The following ELF3 variants were observed in gnomAD, a reference collection of about 807,000 sequenced individuals.
ELF3 encodes E74 like ETS transcription factor 3, also known as ETS-related transcription factor Elf-3.
Under a neutral mutation model 43.9 loss-of-function variants are expected in ELF3, and 18 were observed. The observed-to-expected ratio is 0.41, with a 90% confidence interval of 0.28 to 0.61. ELF3 has a LOEUF of 0.61. Among genes scored for constraint, ELF3 ranks in the 20% least tolerant of loss-of-function variants. ELF3 has a pLI of 0.30. For synonymous variants in ELF3, 181 were observed against 190.2 expected (o/e 0.95, Z 0.40); for missense variants, 373 against 487.7 (o/e 0.76, Z 2.21).
chr1:202,012,413 A>G lies in ELF3; in HGVS notation c.455A>G (p.Glu152Gly). 1 of 1,614,068 alleles carries G rather than the reference A, an allele frequency of 6.2e-7. No homozygotes were observed. The highest frequency in any genetic ancestry group is 8.5e-7 in the Non-Finnish European group (1 of 1,179,980). ...GAGAAGGATGGCATGGCCTTCCAGG[A>G]GGCCCTAGACCCAGGGCCCTTTGGT... is the stretch of plus-strand genomic sequence containing the variant. ...LLEKDGMAFQ[E>G]ALDPGPFDQG... The change falls in exon 4 of 9, where the codon GAG becomes GGG. Residue 152 changes from glutamate (E) to glycine (G), a missense_variant. Physicochemically the swap from Glu to Gly is moderately conservative, Grantham distance 98. Around this residue, in one of 3 missense-constraint regions of ELF3, gnomAD observed 311 missense variants for 351.2 expected, o/e 0.89. Coordinates refer to ENST00000367284, the MANE Select transcript of ELF3 (RefSeq NM_004433.5). The surrounding 1 kb of genome is among the most constrained non-coding windows in gnomAD (Gnocchi z 4.2).
At position 202,015,506 on chromosome 1, in the gene ELF3, C is replaced by T; in HGVS notation, c.*183C>T. The T allele has an allele frequency of 1.7e-6, 1 of 601,944 alleles. No homozygotes were observed. The highest frequency in any genetic ancestry group is 2.0e-5 in the South Asian group (1 of 50,128). 37.3% of individuals were successfully genotyped at this position (601,944 alleles called of 1,614,324 possible). A position where few individuals can be genotyped will look rare whatever the true frequency, so the allele number is the denominator to read the frequency against. ...TGGGACTCGGAGACTATGGCCTCGCCTCCCCACCCTCCTCTTGGAATTACA... is the reference window on the plus strand; with the variant it reads ...TGGGACTCGGAGACTATGGCCTCGCTTCCCCACCCTCCTCTTGGAATTACA... On this transcript the variant is annotated 3_prime_UTR_variant, in exon 9 of 9. Coordinates refer to ENST00000367284, the MANE Select transcript of ELF3 (RefSeq NM_004433.5).
In ELF3 at chr1:202,012,231, C is replaced by A; in HGVS notation, c.385+53C>A. ...AGCAGCTCCACATGTTGAGCTGAGTCGAGTTCAGTGTGGCCGTAGGCAGGC... is the reference window on the plus strand; with the variant it reads ...AGCAGCTCCACATGTTGAGCTGAGTAGAGTTCAGTGTGGCCGTAGGCAGGC... On this transcript the variant is annotated intron_variant, in intron 3 of 8. Transcript: ENST00000367284. This position sits in a 1 kb window ranked among gnomAD's most constrained non-coding sequence, Gnocchi z 4.2. The A allele has an allele frequency of 6.2e-7, 1 of 1,606,630 alleles. No homozygotes were observed. The highest frequency in any genetic ancestry group is 8.5e-7 in the Non-Finnish European group (1 of 1,176,182).
In ELF3 at chr1:202,013,444, T is replaced by C. The variant is rs1167074285; in HGVS notation, c.805+146T>C. 1.2e-6 allele frequency: 1 copy of C among 825,936 alleles called. No individual in the cohort carries two copies. The highest frequency in any genetic ancestry group is 1.7e-5 in the African/African-American group (1 of 58,668). 51.2% of individuals were successfully genotyped at this position (825,936 alleles called of 1,614,324 possible). A position where few individuals can be genotyped will look rare whatever the true frequency, so the allele number is the denominator to read the frequency against. On this transcript the variant is annotated intron_variant, in intron 7 of 8. Transcript: ENST00000367284. This position sits in a 1 kb window ranked among gnomAD's most constrained non-coding sequence, Gnocchi z 5.7. ...GGCTGTGCACAAGCTGGGGGCTCTA[T>C]GGTATCGGTCACCACCTAATTGCAG...
At position 202,013,301 on chromosome 1, in the gene ELF3, G is replaced by A. The variant is rs772636668; in HGVS notation, c.805+3G>A. On this transcript the variant is annotated splice_donor_region_variant and intron_variant, in intron 7 of 8. Transcript: ENST00000367284. This position sits in a 1 kb window ranked among gnomAD's most constrained non-coding sequence, Gnocchi z 5.7. ...CGAGGGCAAGAAGAGCAAGCACGGTGAGCTCCGGGGGCACGTGGGTCCTCC... is the reference window on the plus strand; with the variant it reads ...CGAGGGCAAGAAGAGCAAGCACGGTAAGCTCCGGGGGCACGTGGGTCCTCC... 1 of 1,612,608 alleles carries A rather than the reference G, an allele frequency of 6.2e-7. No homozygotes were observed. Among genetic ancestry groups the A allele is most frequent in the South Asian group, 1.1e-5 (1 of 91,046 alleles).
In ELF3 at chr1:202,013,420, G is replaced by T; in HGVS notation, c.805+122G>T. On this transcript the variant is annotated intron_variant, in intron 7 of 8. Coordinates refer to ENST00000367284, the MANE Select transcript of ELF3 (RefSeq NM_004433.5). The surrounding 1 kb of genome is among the most constrained non-coding windows in gnomAD (Gnocchi z 5.7). ...TGGCCTCCGCATGGCCTTTGGTAAG[G>T]CTGTGCACAAGCTGGGGGCTCTATG... 1 of 995,308 alleles carries T rather than the reference G, an allele frequency of 1.0e-6. No individual in the cohort carries two copies. The highest frequency in any genetic ancestry group is 1.5e-6 in the Non-Finnish European group (1 of 657,982). The allele number at this position is 995,308 out of a possible 1,614,324, so 61.7% of individuals were successfully genotyped here.
At chr1:202,014,083 T>G in intron 8 of ELF3, 59 bp downstream of exon 8, 3 of 1,516,912 alleles carry the variant, frequency 2.0e-6, no homozygotes, top group Non-Finnish European at 2.7e-6. Context: ...GCGCTCACAC[T>G]CCCACCGCCC....
Position 202,012,039 on chromosome 1 carries a change from G to A in ELF3, c.246G>A (p.Lys82=). 2.5e-6 allele frequency: 4 copies of A among 1,614,240 alleles called. No homozygotes were observed. Among genetic ancestry groups the A allele is most frequent in the Non-Finnish European group, 3.4e-6 (4 of 1,180,052 alleles). ...ACTGGATCAGCTACCAAGTGGAGAA[G>A]AACAAGTACGACGCAAGCGCCATTG... ...VLDWISYQVE[K]NKYDASAIDF... The change falls in exon 3 of 9, where the codon AAG becomes AAA. Residue 82 remains lysine, a synonymous_variant. Coordinates refer to ENST00000367284, the MANE Select transcript of ELF3 (RefSeq NM_004433.5). This position sits in a 1 kb window ranked among gnomAD's most constrained non-coding sequence, Gnocchi z 4.2.
In ELF3 at chr1:202,012,674, C is replaced by T. The variant is rs779151797; in HGVS notation, c.513C>T (p.Asp171=). 8 of 1,609,098 alleles carry T rather than the reference C, an allele frequency of 5.0e-6. No homozygotes were observed. The highest frequency in any genetic ancestry group is 2.2e-5 in the South Asian group (2 of 90,568). ...GCCCCTTTGCCCAGGAGCTGCTGGA[C>T]GACGGTCAGCAAGCCAGCCCCTACC... ...QGSPFAQELL[D]DGQQASPYHP... Residue 171 remains aspartate (D), a synonymous_variant, in exon 5 of 9, where the codon GAC becomes GAT. Coordinates refer to ENST00000367284, the MANE Select transcript of ELF3 (RefSeq NM_004433.5). The surrounding 1 kb of genome is among the most constrained non-coding windows in gnomAD (Gnocchi z 4.2).
Position 202,013,104 on chromosome 1 carries a change from C to T in ELF3, c.688+68C>T. On this transcript the variant is annotated intron_variant, in intron 6 of 8. Coordinates refer to ENST00000367284, the MANE Select transcript of ELF3 (RefSeq NM_004433.5). This position sits in a 1 kb window ranked among gnomAD's most constrained non-coding sequence, Gnocchi z 5.7. ...TGCACAGGGGGCCCGGCTCTTCCTG[C>T]AGCCTTTTCCTGTAGAGGGGCTACT... The T allele has an allele frequency of 6.2e-7, 1 of 1,600,642 alleles. No individual in the cohort carries two copies. Among genetic ancestry groups the T allele is most frequent in the Non-Finnish European group, 8.5e-7 (1 of 1,172,598 alleles).
At position 202,012,541 on chromosome 1, in the gene ELF3, A is replaced by T; in HGVS notation, c.479-99A>T. 6.4e-7 allele frequency: 1 copy of T among 1,554,762 alleles called. No homozygotes were observed. The highest frequency in any genetic ancestry group is 8.7e-7 in the Non-Finnish European group (1 of 1,151,384). On this transcript the variant is annotated intron_variant, in intron 4 of 8. Transcript: ENST00000367284. This position sits in a 1 kb window ranked among gnomAD's most constrained non-coding sequence, Gnocchi z 4.2. ...CCTCCCCAGACTTCTTCCTCCCTCA[A>T]TTAGAAAAATTGCAGCAGGTCATCA...
Position 202,015,242 on chromosome 1 carries a change from G to A in ELF3, c.1035G>A (p.Val345=), listed in dbSNP as rs377240972. ...ACAAACGGGAGATCCTGGAACGGGTGGATGGCCGGCGACTCGTCTACAAGT... is the reference window on the plus strand; with the variant it reads ...ACAAACGGGAGATCCTGGAACGGGTAGATGGCCGGCGACTCGTCTACAAGT... The part of the protein sequence containing the change: ...YYYKREILER[V]DGRRLVYKFG... Residue 345 remains valine, a synonymous_variant, in exon 9 of 9, where the codon GTG becomes GTA. Coordinates refer to ENST00000367284, the MANE Select transcript of ELF3 (RefSeq NM_004433.5). 6.3e-5 allele frequency: 101 copies of A among 1,614,114 alleles called. No individual in the cohort carries two copies. The highest frequency in any genetic ancestry group is 8.2e-5 in the Non-Finnish European group (97 of 1,180,022).
In ELF3 at chr1:202,012,962, G is replaced by A. The variant is rs41270965; in HGVS notation, c.614G>A (p.Arg205Gln). The A allele has an allele frequency of 6.1e-5, 99 of 1,612,724 alleles. 2 individuals carry two copies. In the South Asian group the frequency reaches 7.6e-4, roughly 12 times the overall value. Reference protein sequence around the residue: ...DVSTAGTGASRSSHSSDSGGS... With the variant: ...DVSTAGTGASQSSHSSDSGGS... ...CGCCCCCCAGGGACTGGTGCTTCTC[G>A]GAGCTCCCACTCCTCAGACTCCGGT... The change falls in exon 6 of 9, where the codon CGG becomes CAG. Residue 205 changes from arginine to glutamine, a missense_variant. Arg to Gln is a conservative substitution (Grantham distance 43). This residue lies in a region of ELF3 where 311 missense variants were observed against 351.2 expected (regional missense o/e 0.89). Coordinates refer to ENST00000367284, the MANE Select transcript of ELF3 (RefSeq NM_004433.5). The surrounding 1 kb of genome is among the most constrained non-coding windows in gnomAD (Gnocchi z 4.2).
chr1:202,014,345 G>A (rs1024770407), intron 8 of ELF3, among the ~76,000 whole-genome samples: 2 of 152,224 alleles, frequency 1.3e-5, no homozygotes, highest in African/African-American at 2.4e-5. Flanking sequence ...CTTTCTCCTC[G>A]TTGAAGCACT....
chr1:202,011,972 TG>T lies in ELF3; in HGVS notation c.184del (p.Glu62AsnfsTer93), dbSNP rs1558273354. 6.2e-7 allele frequency: 1 copy of T among 1,613,778 alleles called. No individual in the cohort carries two copies. Among genetic ancestry groups the T allele is most frequent in the Non-Finnish European group, 8.5e-7 (1 of 1,179,970 alleles). On this transcript the variant is annotated frameshift_variant, in exon 3 of 9. Transcript: ENST00000367284. LOFTEE classifies it high-confidence loss of function. The part of the protein sequence containing the change: ...SLEGTEKASW[L>X]GEQPQFWSKT... ...GCCCTTGCAGAGAAGGCCAGCTGGT[TG>T]GGGGAACAGCCCCAGTTCTGGTCGA...
In ELF3 at chr1:202,011,307, T is replaced by C. The variant is rs749438958; in HGVS notation, c.163+8T>C. ...TGTCATTGGAGGGTACAGGTGGGTC[T>C]CAGCGGGGTGGGATGGGGCACGGAG... On this transcript the variant is annotated splice_region_variant and intron_variant, in intron 2 of 8. Coordinates refer to ENST00000367284, the MANE Select transcript of ELF3 (RefSeq NM_004433.5). The C allele has an allele frequency of 6.4e-7, 1 of 1,555,146 alleles. No homozygotes were observed. Among genetic ancestry groups the C allele is most frequent in the Non-Finnish European group, 8.7e-7 (1 of 1,148,906 alleles).
rs762468726 is a variant in ELF3 at position 202,013,185 on chromosome 1, G to A, written c.692G>A (p.Gly231Asp). The A allele has an allele frequency of 1.9e-6, 3 of 1,614,058 alleles. 1 individual carries two copies. In the South Asian group the frequency reaches 3.3e-5, roughly 18 times the overall value. The change falls in exon 7 of 9, where the codon GGT becomes GAT. Residue 231 changes from glycine to aspartate, a missense_variant. By Grantham distance (94) the Gly-to-Asp change is moderately conservative. Coordinates refer to ENST00000367284, the MANE Select transcript of ELF3 (RefSeq NM_004433.5). The surrounding 1 kb of genome is among the most constrained non-coding windows in gnomAD (Gnocchi z 5.7). Reference sequence around the variant, plus strand: ...CCTTCCACCACCGTCCCCACAGATGGTTTTCGTGACTGCAAGAAGGGGGAT... The same window carrying A: ...CCTTCCACCACCGTCCCCACAGATGATTTTCGTGACTGCAAGAAGGGGGAT... ...PTDGKLFPSD[G>D]FRDCKKGDPK...
Position 202,012,281 on chromosome 1 carries a change from A to T in ELF3, c.386-63A>T. ...CCCTGGAGCTCTGGGCCAGCTGCAC[A>T]GCCAGAGAGAGCCCTTGAGGGAGGG... On this transcript the variant is annotated intron_variant, in intron 3 of 8. Transcript: ENST00000367284. The surrounding 1 kb of genome is among the most constrained non-coding windows in gnomAD (Gnocchi z 4.2). 3 of 1,607,424 alleles carry T rather than the reference A, an allele frequency of 1.9e-6. No individual in the cohort carries two copies. The highest frequency in any genetic ancestry group is 2.6e-6 in the Non-Finnish European group (3 of 1,175,730).
chr1:202,013,111 T>C lies in ELF3; in HGVS notation c.689-71T>C. On this transcript the variant is annotated intron_variant, in intron 6 of 8. Coordinates refer to ENST00000367284, the MANE Select transcript of ELF3 (RefSeq NM_004433.5). The surrounding 1 kb of genome is among the most constrained non-coding windows in gnomAD (Gnocchi z 5.7). ...GGGGCCCGGCTCTTCCTGCAGCCTT[T>C]TCCTGTAGAGGGGCTACTCTCCCTA... 3 of 1,602,596 alleles carry C rather than the reference T, an allele frequency of 1.9e-6. No individual in the cohort carries two copies. The highest frequency in any genetic ancestry group is 2.6e-6 in the Non-Finnish European group (3 of 1,173,660).
At position 202,012,546 on chromosome 1, in the gene ELF3, A is replaced by G. The variant is rs1484146811; in HGVS notation, c.479-94A>G. 1 of 1,555,048 alleles carries G rather than the reference A, an allele frequency of 6.4e-7. No homozygotes were observed. Among genetic ancestry groups the G allele is most frequent in the African/African-American group, 1.4e-5 (1 of 72,932 alleles). ...CCAGACTTCTTCCTCCCTCAATTAG[A>G]AAAATTGCAGCAGGTCATCAGACCC... On this transcript the variant is annotated intron_variant, in intron 4 of 8. Coordinates refer to ENST00000367284, the MANE Select transcript of ELF3 (RefSeq NM_004433.5). This position sits in a 1 kb window ranked among gnomAD's most constrained non-coding sequence, Gnocchi z 4.2.
Sources: allele counts gnomAD v4.1 joint callset (sites outside exome capture counted in the v4.1 genomes callset), GRCh38; gene constraint gnomAD v4.1.1; regional missense constraint gnomAD v4.1.1; non-coding constraint Gnocchi (gnomAD v3.1); transcripts MANE v1.5; gene names NCBI Gene and HGNC (gene_info 2026-07-23, HGNC 2026-07-21).